The following LRRC4C variants were observed in gnomAD, a reference collection of about 807,000 sequenced individuals.
LRRC4C encodes the protein leucine-rich repeat-containing protein 4C.
LRRC4C carries 5 observed loss-of-function variants against 33.6 expected under a neutral mutation model. That is an observed-to-expected ratio of 0.15 (90% CI 0.08 to 0.31). The LOEUF (loss-of-function observed/expected upper bound fraction) is 0.31. Ranked by LOEUF, LRRC4C falls within the 10% of genes least tolerant of loss-of-function variation. The pLI, the probability that LRRC4C is intolerant of heterozygous loss-of-function variation, is 1.00. For synonymous variants in LRRC4C, 329 were observed against 302.0 expected, an observed-to-expected ratio of 1.09 and a Z score of -0.93; for missense variants, 560 against 796.7, an observed-to-expected ratio of 0.70 and a Z score of 3.58.
intron 1 of LRRC4C, among the ~76,000 whole-genome samples, chr11:41,014,510 C>T (rs1461867099): frequency 1.3e-5 from 2 of 148,554 alleles, no homozygotes; most frequent in Admixed American, 6.7e-5. Flanking sequence ...TTTTCTGAGC[C>T]AAGATTTTTA....
chr11:41,042,057 T>C (rs1857470922), intron 1 of LRRC4C, among the ~76,000 whole-genome samples: 1 of 152,228 alleles, frequency 6.6e-6, no homozygotes, highest in African/African-American at 2.4e-5. Flanking sequence ...GAAAGAGCTT[T>C]AATCTCTTTC....
chr11:40,657,190 A>G (rs1214630196), intron 2 of LRRC4C, among the ~76,000 whole-genome samples: 2 of 152,224 alleles, frequency 1.3e-5, no homozygotes, highest in East Asian at 3.9e-4. Flanking sequence ...CTACACAGCT[A>G]TTCACTTGTC....
intron 3 of LRRC4C, among the ~76,000 whole-genome samples, chr11:40,515,921 TC>T (rs1955541807): frequency 6.6e-6 from 1 of 152,054 alleles, no homozygotes; most frequent in Non-Finnish European, 1.5e-5. Context: ...TTGATTAAAA[TC>T]CCTTTTATTT....
At chr11:40,950,737 A>T (rs1958656346) in intron 1 of LRRC4C, among the ~76,000 whole-genome samples, 1 of 152,058 alleles carries the variant, frequency 6.6e-6, no homozygotes, top group Admixed American at 6.6e-5. Context: ...AAGTAAGTTT[A>T]TTTCCCAGAG....
chr11:40,801,401 A>G (rs1951035956), intron 2 of LRRC4C, among the ~76,000 whole-genome samples: 1 of 152,116 alleles, frequency 6.6e-6, no homozygotes, highest in African/African-American at 2.4e-5. Context: ...GACCTACATC[A>G]TTCTCTTTTG....
chr11:40,404,467 C>T (rs1309654830), intron 3 of LRRC4C, among the ~76,000 whole-genome samples: 1 of 152,162 alleles, frequency 6.6e-6, no homozygotes, highest in African/African-American at 2.4e-5. Flanking sequence ...TTTATCCTCA[C>T]CTTCCATATT....
At chr11:41,254,199 T>A (rs1948728414) in intron 1 of LRRC4C, among the ~76,000 whole-genome samples, 1 of 152,052 alleles carries the variant, frequency 6.6e-6, no homozygotes, top group Non-Finnish European at 1.5e-5. Context: ...TGAAAAGGCA[T>A]GGGAGGCATT....
chr11:41,034,433 A>AACAC (rs3067314), intron 1 of LRRC4C, among the ~76,000 whole-genome samples: 22 of 139,206 alleles, frequency 1.6e-4, no homozygotes, highest in Admixed American at 8.9e-4. Flanking sequence ...GAACAATCCA[A>AACAC]ACACACACAC....
chr11:40,374,239 C>G (rs1948573368), intron 3 of LRRC4C, among the ~76,000 whole-genome samples: 1 of 152,068 alleles, frequency 6.6e-6, no homozygotes, highest in Non-Finnish European at 1.5e-5. Flanking sequence ...GTTGTTGTGT[C>G]CGTAGTGGTG....
intron 1 of LRRC4C, among the ~76,000 whole-genome samples, chr11:41,264,917 G>T (rs1160104405): frequency 6.6e-6 from 1 of 152,112 alleles, no homozygotes; most frequent in Non-Finnish European, 1.5e-5. Context: ...GTTCAAGATT[G>T]CAAAGATGTG....
intron 1 of LRRC4C, among the ~76,000 whole-genome samples, chr11:41,034,502 C>T (rs1424894630): frequency 7.0e-6 from 1 of 142,634 alleles, no homozygotes; most frequent in Non-Finnish European, 1.5e-5. Flanking sequence ...CATATATATA[C>T]AAAATATATG....
At chr11:40,495,277 C>A (rs72899018) in intron 3 of LRRC4C, among the ~76,000 whole-genome samples, 1 of 152,010 alleles carries the variant, frequency 6.6e-6, no homozygotes, top group South Asian at 2.1e-4. Context: ...GCAAAACAAA[C>A]GAACAACCTC....
chr11:40,680,096 G>T (rs1003829457), intron 2 of LRRC4C, among the ~76,000 whole-genome samples: 30 of 152,176 alleles, frequency 2.0e-4, no homozygotes, highest in African/African-American at 7.2e-4. Flanking sequence ...AATCAAAGGA[G>T]ATCATTTTAC....
intron 1 of LRRC4C, among the ~76,000 whole-genome samples, chr11:41,395,209 C>T (rs1953759777): frequency 6.6e-6 from 1 of 151,958 alleles, no homozygotes; most frequent in African/African-American, 2.4e-5. Flanking sequence ...AAATGAGCGC[C>T]TATTCTTGAG....
intron 3 of LRRC4C, among the ~76,000 whole-genome samples, chr11:40,588,406 G>C (rs1958866397): frequency 6.6e-6 from 1 of 151,558 alleles, no homozygotes; most frequent in Non-Finnish European, 1.5e-5. Flanking sequence ...TATCTATTTT[G>C]TTGATCCTTT....
chr11:40,952,880 ACACACACACACACACACT>A (rs777048330), intron 1 of LRRC4C, among the ~76,000 whole-genome samples: 91 of 110,932 alleles, frequency 8.2e-4, no homozygotes, highest in African/African-American at 1.4e-3. Flanking sequence ...ACACACACAC[ACACACACACACACACACT>A]CTCTCTCTCT....
At chr11:40,969,750 T>G (rs2136973076) in intron 1 of LRRC4C, among the ~76,000 whole-genome samples, 1 of 152,270 alleles carries the variant, frequency 6.6e-6, no homozygotes, top group Non-Finnish European at 1.5e-5. Context: ...TAACATAACT[T>G]TTATATAAAC....
rs377541982 is a variant in LRRC4C at position 40,750,658 on chromosome 11, T to TGG, written c.-406-102382_-406-102381dup. On this transcript the variant is annotated intron_variant, in intron 2 of 6. Transcript: ENST00000528697. Reference sequence around the variant, plus strand: ...ATCACACATCGGGACTGTTGTGGGGTGGGGGGAGGGGGGAGGGACAGCATT... The same window carrying TGG: ...ATCACACATCGGGACTGTTGTGGGGTGGGGGGGGAGGGGGGAGGGACAGCATT... Among the ~76,000 whole-genome samples the TGG allele has an allele frequency of 6.2e-5, 4 of 64,346 alleles. No individual in the cohort carries two copies. The East Asian group carries it at 2.2e-3, about 35-fold the overall frequency. 42.2% of individuals were successfully genotyped at this position (64,346 alleles called of 152,430 possible). A position where few individuals can be genotyped will look rare whatever the true frequency, so the allele number is the denominator to read the frequency against.
At chr11:40,740,691 T>G (rs1948115845) in intron 2 of LRRC4C, among the ~76,000 whole-genome samples, 1 of 152,026 alleles carries the variant, frequency 6.6e-6, no homozygotes. Context: ...TTGGGTCATA[T>G]CAAAAATAGC....
Sources: allele counts gnomAD v4.1 joint callset (sites outside exome capture counted in the v4.1 genomes callset), GRCh38; gene constraint gnomAD v4.1.1; transcripts MANE v1.5; gene names NCBI Gene and HGNC (gene_info 2026-07-23, HGNC 2026-07-21).